The following RPN2 variants were observed in gnomAD, a reference collection of about 807,000 sequenced individuals.
RPN2 encodes dolichyl-diphosphooligosaccharide--protein glycosyltransferase subunit 2.
A neutral mutation model predicts 71.4 loss-of-function variants in RPN2; 29 were observed. The ratio of observed to expected loss-of-function variants is 0.41; its 90% CI spans 0.30 to 0.55. The LOEUF (loss-of-function observed/expected upper bound fraction) is 0.55. Among genes scored for constraint, RPN2 ranks in the 20% least tolerant of loss-of-function variants. The pLI is 0.35. For synonymous variants in RPN2, 308 were observed against 305.0 expected (o/e 1.01, Z -0.10); for missense variants, 726 against 774.1 (o/e 0.94, Z 0.74).
Position 37,198,416 on chromosome 20 carries a change from G to C in RPN2, c.227G>C (p.Arg76Thr), listed in dbSNP as rs200744192. ...GTGTAGAAAGCATGTACCTACATCA[G>C]ATCTAACCTTGATCCCAGCAATGTG... is the stretch of plus-strand genomic sequence containing the variant. ...PDAKKACTYI[R>T]SNLDPSNVDS... The change falls in exon 3 of 17, where the codon AGA becomes ACA. Residue 76 changes from arginine to threonine, a missense_variant. Physicochemically the swap from Arg to Thr is moderately conservative, Grantham distance 71 (BLOSUM62 -1). Transcript: ENST00000237530. 6.3e-5 allele frequency: 102 copies of C among 1,614,090 alleles called. No homozygotes were observed. Among genetic ancestry groups the C allele is most frequent in the Middle Eastern group, 4.9e-4 (3 of 6,084 alleles).
intron 2 of RPN2, among the ~76,000 whole-genome samples, chr20:37,187,906 A>G (rs1183918574): frequency 6.6e-6 from 1 of 151,990 alleles, no homozygotes; most frequent in African/African-American, 2.4e-5. Context: ...GCCTCCCAAA[A>G]TGCTGGGATT....
rs748666082 is a variant in RPN2 at position 37,184,173 on chromosome 20, C to A, written c.14-7C>A. On this transcript the variant is annotated splice_polypyrimidine_tract_variant and splice_region_variant and intron_variant, in intron 1 of 16. Transcript: ENST00000237530. ...TAGAGTGTACTGAATGGTTGTTTCCCCCCAAGGTTCAAGCACTGTCTTCCT... is the reference window on the plus strand; with the variant it reads ...TAGAGTGTACTGAATGGTTGTTTCCACCCAAGGTTCAAGCACTGTCTTCCT... 6 of 1,613,994 alleles carry A rather than the reference C, an allele frequency of 3.7e-6. No homozygotes were observed. The African/African-American group carries it at 8.0e-5, about 22-fold the overall frequency.
At chr20:37,193,167 CCT>C (rs1483904588) in intron 2 of RPN2, among the ~76,000 whole-genome samples, 1 of 152,048 alleles carries the variant, frequency 6.6e-6, no homozygotes, top group African/African-American at 2.4e-5. Context: ...AAAACTCAAA[CCT>C]CTCTGCATCA....
chr20:37,230,737 T>C (rs560534604), intron 13 of RPN2, among the ~76,000 whole-genome samples: 14 of 152,170 alleles, frequency 9.2e-5, no homozygotes, highest in South Asian at 2.1e-4. Context: ...GTCATTCCAC[T>C]TTAAAAAACA....
chr20:37,230,689 C>T (rs886692637), intron 13 of RPN2, among the ~76,000 whole-genome samples: 2 of 152,068 alleles, frequency 1.3e-5, no homozygotes, highest in Non-Finnish European at 2.9e-5. Context: ...AACTTGCATA[C>T]GAATTAATGT....
intron 7 of RPN2, 42 bp from the exon 8 acceptor site, chr20:37,210,005 T>C (rs772058780): frequency 6.2e-7 from 1 of 1,608,694 alleles, no homozygotes; most frequent in South Asian, 1.1e-5. Context: ...TCTCTGCTCC[T>C]GTAGCCTTTG....
chr20:37,238,464 C>G (rs555860155), intron 16 of RPN2: 1 of 1,584,952 alleles, frequency 6.3e-7, no homozygotes, highest in Non-Finnish European at 8.6e-7. Flanking sequence ...AGATGAAGGG[C>G]GGACTCATCC....
intron 14 of RPN2, 73 bp downstream of exon 14, chr20:37,232,464 G>A: frequency 6.4e-7 from 1 of 1,563,394 alleles, no homozygotes; most frequent in South Asian, 1.1e-5. Flanking sequence ...TTCCAAAGGA[G>A]GCTGTGTTGT....
chr20:37,195,216 G>C (rs551282387), intron 2 of RPN2, among the ~76,000 whole-genome samples: 1 of 152,158 alleles, frequency 6.6e-6, no homozygotes. Flanking sequence ...CTCAGCACTG[G>C]GTGGGCTCAC....
chr20:37,232,331 C>A lies in RPN2; in HGVS notation c.1617C>A (p.Thr539=). 6.2e-7 allele frequency: 1 copy of A among 1,614,194 alleles called. No homozygotes were observed. Among genetic ancestry groups the A allele is most frequent in the South Asian group, 1.1e-5 (1 of 91,082 alleles). ...GCGAGCCTGAGAAGAGGCCCCCCACCGTGGTGTCCAATACATTCACTGCCC... is the reference window on the plus strand; with the variant it reads ...GCGAGCCTGAGAAGAGGCCCCCCACAGTGGTGTCCAATACATTCACTGCCC... ...LFREPEKRPP[T]VVSNTFTALI... is the part of the protein sequence containing the mutation. The change falls in exon 14 of 17, where the codon ACC becomes ACA. Residue 539 remains threonine, a synonymous_variant. Transcript: ENST00000237530.
chr20:37,241,306 A>G lies in RPN2; in HGVS notation c.1887A>G (p.Thr629=), dbSNP rs201125027. 1 of 1,612,814 alleles carries G rather than the reference A, an allele frequency of 6.2e-7. No homozygotes were observed. Among genetic ancestry groups the G allele is most frequent in the African/African-American group, 1.3e-5 (1 of 75,044 alleles). Residue 629 remains threonine, a synonymous_variant, in exon 17 of 17, where the codon ACA becomes ACG. Transcript: ENST00000237530. ...GTTTGTCTCCATTTTCTTTCAGAAC[A>G]GCACATTAGTTCCAGAAGAAAGATG... The part of the protein sequence containing the change: ...RMLAQQAVKR[T]AH
intron 2 of RPN2, among the ~76,000 whole-genome samples, chr20:37,196,435 G>A (rs1286204652): frequency 1.3e-5 from 2 of 152,064 alleles, no homozygotes; most frequent in South Asian, 2.1e-4. Flanking sequence ...GGGTTTCACC[G>A]TGTTAGCCAG....
chr20:37,229,245 C>G (rs776871304), intron 12 of RPN2, among the ~76,000 whole-genome samples: 30 of 152,240 alleles, frequency 2.0e-4, no homozygotes, highest in Non-Finnish European at 3.8e-4. Context: ...TGCCTTCCTG[C>G]ATGCCTCACT....
chr20:37,236,739 A>G (rs1185516337), intron 16 of RPN2, 30 bp downstream of exon 16: 9 of 1,611,314 alleles, frequency 5.6e-6, no homozygotes, highest in Non-Finnish European at 7.6e-6. Flanking sequence ...AGGGATCTAG[A>G]GTAGGGTTAG....
chr20:37,184,203 G>A lies in RPN2; in HGVS notation c.37G>A (p.Ala13Thr), dbSNP rs375317516. 3.9e-5 allele frequency: 63 copies of A among 1,614,026 alleles called. No individual in the cohort carries two copies. Among genetic ancestry groups the A allele is most frequent in the Non-Finnish European group, 5.3e-5 (62 of 1,180,042 alleles). Residue 13 changes from alanine (A) to threonine (T), a missense_variant, in exon 2 of 17, where the codon GCC becomes ACC. Ala to Thr is a moderately conservative substitution (Grantham distance 58). Coordinates refer to ENST00000237530, the MANE Select transcript of RPN2 (RefSeq NM_002951.5). ...PPGSSTVFLL[A>T]LTIIASTWAL... ...AGGTTCAAGCACTGTCTTCCTGTTG[G>A]CCCTGACAATCATAGCCAGCACCTG...
chr20:37,193,448 G>A (rs974865731), intron 2 of RPN2, among the ~76,000 whole-genome samples: 1 of 152,186 alleles, frequency 6.6e-6, no homozygotes, highest in African/African-American at 2.4e-5. Context: ...GTGGGAGGGA[G>A]GGAGAGGAGT....
intron 16 of RPN2, chr20:37,238,918 T>C: frequency 2.1e-6 from 1 of 471,530 alleles, no homozygotes; most frequent in Non-Finnish European, 4.3e-6. Flanking sequence ...CTGGGGAGAC[T>C]GTAATTTATG....
In RPN2 at chr20:37,205,176, C is replaced by T. The variant is rs542131499; in HGVS notation, c.690+275C>T. On this transcript the variant is annotated intron_variant, in intron 6 of 16. Coordinates refer to ENST00000237530, the MANE Select transcript of RPN2 (RefSeq NM_002951.5). ...AGTATCAAGGAAGCCACGTGTATTA[C>T]TCCTGTTTCATCTCCCTTTCTTCCC... 2.0e-5 allele frequency among the ~76,000 whole-genome samples: 3 copies of T among 152,108 alleles called. No homozygotes were observed. In the South Asian group the frequency reaches 6.2e-4, roughly 32 times the overall value.
chr20:37,193,422 A>G (rs941751548), intron 2 of RPN2, among the ~76,000 whole-genome samples: 2 of 152,204 alleles, frequency 1.3e-5, no homozygotes, highest in South Asian at 4.2e-4. Flanking sequence ...TGAAAGGAGG[A>G]GGTGTGTGGA....
Sources: gnomAD v4.1 joint callset for allele counts (sites outside exome capture counted in the v4.1 genomes callset) on GRCh38, gnomAD v4.1.1 for gene constraint, MANE v1.5 for transcripts, NCBI Gene and HGNC (gene_info 2026-07-23, HGNC 2026-07-21) for gene names.